NYAP2: variants seen among roughly 807,000 people sequenced by gnomAD.
NYAP2 encodes neuronal tyrosine-phosphorylated phosphoinositide-3-kinase adapter 2.
In NYAP2, 23 loss-of-function variants were observed where a neutral mutation model predicts 50.4. The ratio of observed to expected loss-of-function variants is 0.46; its 90% CI spans 0.33 to 0.65. The LOEUF (loss-of-function observed/expected upper bound fraction) is 0.65. Ranked by LOEUF, NYAP2 falls within the 30% of genes least tolerant of loss-of-function variation. The pLI, the probability that NYAP2 is intolerant of heterozygous loss-of-function variation, is 0.02. For synonymous variants in NYAP2, 394 were observed against 365.2 expected, an observed-to-expected ratio of 1.08 and a Z score of -0.90; for missense variants, 885 against 861.0, an observed-to-expected ratio of 1.03 and a Z score of -0.35.
At chr2:225,626,995 A>G in exon 6 of NYAP2, 1 of 1,589,482 alleles carries the variant, frequency 6.3e-7, no homozygotes, top group South Asian at 1.2e-5. Context: ...AGAGGCCACC[A>G]TGGGGCGTCT....
chr2:225,522,906 T>C (rs1691090489), intron 4 of NYAP2, among the ~76,000 whole-genome samples: 1 of 152,194 alleles, frequency 6.6e-6, no homozygotes, highest in Admixed American at 6.6e-5. Flanking sequence ...CTTTTTCCTA[T>C]AAAGAATATC....
intron 3 of NYAP2, among the ~76,000 whole-genome samples, chr2:225,453,947 G>GA (rs1431956008): frequency 6.6e-6 from 1 of 151,472 alleles, no homozygotes; most frequent in Non-Finnish European, 1.5e-5. Context: ...AAAGTGCTGG[G>GA]ATTATAGGTG....
intron 3 of NYAP2, among the ~76,000 whole-genome samples, chr2:225,435,294 G>A (rs1444242158): frequency 6.6e-5 from 10 of 151,878 alleles, no homozygotes; most frequent in Non-Finnish European, 1.5e-4. Context: ...TAAAGAATCG[G>A]GTAAGAAACA....
chr2:225,470,858 C>T (rs1690002676), intron 3 of NYAP2, among the ~76,000 whole-genome samples: 1 of 151,648 alleles, frequency 6.6e-6, no homozygotes. Context: ...CTCTATGTTG[C>T]CTAGCTGGTC....
chr2:225,512,511 TTCC>T (rs1272037113), intron 3 of NYAP2, among the ~76,000 whole-genome samples: 1 of 149,652 alleles, frequency 6.7e-6, no homozygotes, highest in African/African-American at 2.5e-5. Flanking sequence ...CTCCCTGCCT[TTCC>T]TCCTTTCTTC....
At chr2:225,478,008 A>G (rs1690146859) in intron 3 of NYAP2, among the ~76,000 whole-genome samples, 2 of 152,222 alleles carry the variant, frequency 1.3e-5, no homozygotes, top group South Asian at 4.1e-4. Context: ...ATGTTAGGTC[A>G]TAAGGGAAGA....
intron 5 of NYAP2, among the ~76,000 whole-genome samples, chr2:225,626,151 G>T (rs1301496412): frequency 6.6e-6 from 1 of 152,172 alleles, no homozygotes; most frequent in East Asian, 1.9e-4. Context: ...TTCATATGGG[G>T]ACTCCAGATG....
intron 3 of NYAP2, among the ~76,000 whole-genome samples, chr2:225,495,470 T>C (rs962177166): frequency 2.0e-5 from 3 of 152,190 alleles, no homozygotes; most frequent in Non-Finnish European, 4.4e-5. Flanking sequence ...CTCCCTATTT[T>C]TCCCTTTCAT....
intron 3 of NYAP2, among the ~76,000 whole-genome samples, chr2:225,483,682 T>G (rs1690245030): frequency 6.6e-6 from 1 of 152,298 alleles, no homozygotes; most frequent in East Asian, 1.9e-4. Flanking sequence ...TATTTGTTCG[T>G]TTTCAGTTTT....
chr2:225,481,892 G>T (rs1048101358), intron 3 of NYAP2, among the ~76,000 whole-genome samples: 2 of 152,032 alleles, frequency 1.3e-5, no homozygotes, highest in Non-Finnish European at 2.9e-5. Context: ...GGCCCCTGCA[G>T]TTTGTGATTT....
At chr2:225,538,783 TTTCTTTCTTTCTTTCTTTC>T (rs1447722264) in intron 4 of NYAP2, among the ~76,000 whole-genome samples, 13 of 38,738 alleles carry the variant, frequency 3.4e-4, no homozygotes, top group African/African-American at 3.0e-4. Flanking sequence ...TTTTCTTTTC[TTTCTTTCTTTCTTTCTTTC>T]TTTCTTTCTT....
the NYAP2 span, among the ~76,000 whole-genome samples, chr2:225,670,620 A>AAG: frequency 4.9e-4 from 47 of 95,672 alleles, 1 homozygote; most frequent in East Asian, 2.6e-3. Context: ...AAAAAAAAAA[A>AAG]AAAAAAAAAA....
At chr2:225,573,865 A>G (rs1001035530) in intron 4 of NYAP2, among the ~76,000 whole-genome samples, 6 of 152,160 alleles carry the variant, frequency 3.9e-5, no homozygotes, top group Non-Finnish European at 8.8e-5. Flanking sequence ...CACTTCTGAC[A>G]TACTCTGTAG....
At chr2:225,474,492 G>C (rs1392297543) in intron 3 of NYAP2, among the ~76,000 whole-genome samples, 1 of 152,176 alleles carries the variant, frequency 6.6e-6, no homozygotes, top group Non-Finnish European at 1.5e-5. Context: ...TCGTTGAGCA[G>C]TGGTTTGTAG....
At chr2:225,495,484 ACT>A (rs1198762167) in intron 3 of NYAP2, among the ~76,000 whole-genome samples, 2 of 151,910 alleles carry the variant, frequency 1.3e-5, no homozygotes, top group African/African-American at 2.4e-5. Context: ...CTTTCATATC[ACT>A]CTGTTTTCTT....
chr2:225,684,100 C>G, the NYAP2 span, among the ~76,000 whole-genome samples: 1 of 152,058 alleles, frequency 6.6e-6, no homozygotes, highest in Non-Finnish European at 1.5e-5. Context: ...CTTGGAGTCA[C>G]AGATTAAAAG....
rs559960691 is a variant in NYAP2, at chr2:225,505,684, T to C, written c.222-7687T>C. On this transcript the variant is annotated intron_variant, in intron 3 of 6. Transcript: ENST00000636099. ...AATAACTCTTATTTAGTAACTACTG[T>C]CTGCAGATTATTATACTGGTTCATT... Among the ~76,000 whole-genome samples the C allele has an allele frequency of 5.9e-5, 9 of 152,360 alleles. No individual in the cohort carries two copies. In the South Asian group the frequency reaches 1.7e-3, roughly 28 times the overall value.
At chr2:225,609,717 G>A (rs1028495718) in intron 5 of NYAP2, among the ~76,000 whole-genome samples, 2 of 152,026 alleles carry the variant, frequency 1.3e-5, no homozygotes, top group African/African-American at 2.4e-5. Context: ...GCTAAGGGTG[G>A]TACTTTCTTT....
the NYAP2 span, chr2:225,701,868 T>G: frequency 6.6e-6 from 1 of 151,784 alleles, no homozygotes. Flanking sequence ...ATTACTACAT[T>G]TTGTTGGTAG....
Sources: gnomAD v4.1 joint callset for allele counts (sites outside exome capture counted in the v4.1 genomes callset) on GRCh38, gnomAD v4.1.1 for gene constraint, MANE v1.5 for transcripts, NCBI Gene and HGNC (gene_info 2026-07-23, HGNC 2026-07-21) for gene names.